Variants in OCLN observed in about 807,000 individuals in gnomAD.
OCLN encodes the protein phosphatase 1, regulatory subunit 115.
A neutral mutation model predicts 47.9 loss-of-function variants in OCLN; 21 were observed. The ratio of observed to expected loss-of-function variants is 0.44; its 90% CI spans 0.31 to 0.63. OCLN has a LOEUF of 0.63. Ranked by LOEUF, OCLN falls within the 30% of genes least tolerant of loss-of-function variation. OCLN has a pLI of 0.08. For synonymous variants in OCLN, 117 were observed against 198.4 expected (o/e 0.59, Z 3.45); for missense variants, 360 against 571.0 (o/e 0.63, Z 3.77).
intron 4 of OCLN, among the ~76,000 whole-genome samples, chr5:69,515,895 G>C (rs565444542): frequency 6.6e-6 from 1 of 150,492 alleles, no homozygotes; most frequent in South Asian, 2.1e-4. Context: ...CATCTTAGAC[G>C]ATGGGCGGCC....
intron 4 of OCLN, among the ~76,000 whole-genome samples, chr5:69,526,338 A>C (rs1340195183): frequency 6.6e-6 from 1 of 152,242 alleles, no homozygotes. Flanking sequence ...GACTTAGTAC[A>C]AAATACTGGA....
intron 4 of OCLN, among the ~76,000 whole-genome samples, chr5:69,517,104 C>A (rs1446355399): frequency 6.6e-6 from 1 of 151,872 alleles, no homozygotes; most frequent in Admixed American, 6.6e-5. Flanking sequence ...GAAACTTTTT[C>A]TAAGAAATCC....
At chr5:69,535,146 GT>G (rs1378057541) in intron 5 of OCLN, among the ~76,000 whole-genome samples, 1 of 151,828 alleles carries the variant, frequency 6.6e-6, no homozygotes, top group Non-Finnish European at 1.5e-5. Flanking sequence ...GCTATTTCTG[GT>G]TTTGAAGTTT....
At chr5:69,494,302 T>G (rs1290279460) in intron 1 of OCLN, among the ~76,000 whole-genome samples, 1 of 152,198 alleles carries the variant, frequency 6.6e-6, no homozygotes, top group Non-Finnish European at 1.5e-5. Flanking sequence ...ATTCTCCTGC[T>G]CAGCCTCCCG....
chr5:69,503,504 G>A (rs1052241333), intron 1 of OCLN, among the ~76,000 whole-genome samples: 1 of 152,182 alleles, frequency 6.6e-6, no homozygotes, highest in Non-Finnish European at 1.5e-5. Flanking sequence ...GGAAGAGCCA[G>A]GACCCCAGCG....
In OCLN at chr5:69,534,836, C is replaced by T. The variant is rs377673456; in HGVS notation, c.1034C>T (p.Thr345Met). Reference sequence around the variant, plus strand: ...TATCCAGAGTCTTCCTATAAATCCACGCCGTAAGTAGCATCTCTCTTAGTT... The same window carrying T: ...TATCCAGAGTCTTCCTATAAATCCATGCCGTAAGTAGCATCTCTCTTAGTT... ...RFYPESSYKS[T>M]PVPEVVQELP... The change falls in exon 5 of 9, where the codon ACG becomes ATG. Residue 345 changes from threonine (T) to methionine (M), a missense_variant. Thr to Met is a moderately conservative substitution (Grantham distance 81, BLOSUM62 -1). This residue lies in a region of OCLN where 21 missense variants were observed against 158.9 expected (regional missense o/e 0.13). Transcript: ENST00000396442. 2.1e-4 allele frequency: 284 copies of T among 1,376,436 alleles called. 10 individuals are homozygous for T. Among genetic ancestry groups the T allele is most frequent in the South Asian group, 3.3e-4 (27 of 81,336 alleles). The allele number at this position is 1,376,436 out of a possible 1,614,324, so 85.3% of individuals were successfully genotyped here.
rs1768712120 is a variant in OCLN at position 69,509,486 on chromosome 5, A to C, written c.396A>C (p.Thr132=). ...ATGGCTATGGCTACGGAGGCTATAC[A>C]GACCCAAGAGCAGCAAAGGGCTTCA... is the stretch of plus-strand genomic sequence containing the variant. ...YGYGYGYGGY[T]DPRAAKGFML... is the part of the protein sequence containing the mutation. Residue 132 remains threonine (T), a synonymous_variant, in exon 3 of 9, where the codon ACA becomes ACC. Coordinates refer to ENST00000396442, the MANE Select transcript of OCLN (RefSeq NM_001205254.2). 1 of 1,614,180 alleles carries C rather than the reference A, an allele frequency of 6.2e-7. No homozygotes were observed. Among genetic ancestry groups the C allele is most frequent in the Non-Finnish European group, 8.5e-7 (1 of 1,180,004 alleles).
chr5:69,514,068 G>A lies in OCLN; in HGVS notation c.850G>A (p.Glu284Lys). ...YDKSNILWDK[E>K]HIYDEQPPNV... ...CAAGTCCAATATTTTGTGGGACAAG[G>A]AACACATTTATGATGAGCAGCCCCC... Residue 284 changes from glutamate (E) to lysine (K), a missense_variant, in exon 4 of 9, where the codon GAA becomes AAA. Physicochemically the swap from Glu to Lys is moderately conservative, Grantham distance 56. Around this residue, in one of 3 missense-constraint regions of OCLN, gnomAD observed 314 missense variants for 368.1 expected, o/e 0.85. Coordinates refer to ENST00000396442, the MANE Select transcript of OCLN (RefSeq NM_001205254.2). 3 of 1,614,154 alleles carry A rather than the reference G, an allele frequency of 1.9e-6. No individual in the cohort carries two copies. Among genetic ancestry groups the A allele is most frequent in the South Asian group, 1.1e-5 (1 of 91,086 alleles).
chr5:69,507,392 G>A (rs2111967557), intron 2 of OCLN, among the ~76,000 whole-genome samples: 1 of 152,222 alleles, frequency 6.6e-6, no homozygotes, highest in South Asian at 2.1e-4. Context: ...ACCTCCTAAA[G>A]TGCTGGGATT....
intron 4 of OCLN, among the ~76,000 whole-genome samples, chr5:69,532,221 T>C (rs1769451583): frequency 6.6e-6 from 1 of 152,110 alleles, no homozygotes; most frequent in African/African-American, 2.4e-5. Flanking sequence ...GCCCAGATAA[T>C]CTGATGCTAT....
Position 69,509,750 on chromosome 5 carries a change from T to C in OCLN, c.660T>C (p.Tyr220=). 6.2e-7 allele frequency: 1 copy of C among 1,614,202 alleles called. No individual in the cohort carries two copies. Among genetic ancestry groups the C allele is most frequent in the Non-Finnish European group, 8.5e-7 (1 of 1,180,018 alleles). The change falls in exon 3 of 9, where the codon TAT becomes TAC. Residue 220 remains tyrosine (Y), a synonymous_variant. Coordinates refer to ENST00000396442, the MANE Select transcript of OCLN (RefSeq NM_001205254.2). Reference sequence around the variant, plus strand: ...TATATGCCCTCTGCAACCAATTTTATACACCTGCAGCTACTGGACTCTACG... The same window carrying C: ...TATATGCCCTCTGCAACCAATTTTACACACCTGCAGCTACTGGACTCTACG... ...SQIYALCNQF[Y]TPAATGLYVD...
intron 4 of OCLN, among the ~76,000 whole-genome samples, chr5:69,520,903 A>G (rs1769119345): frequency 6.6e-6 from 1 of 152,074 alleles, no homozygotes; most frequent in African/African-American, 2.4e-5. Flanking sequence ...GCTGGAGTGC[A>G]ATGGCGCAAT....
At chr5:69,498,119 G>A (rs567217012) in intron 1 of OCLN, among the ~76,000 whole-genome samples, 7 of 151,642 alleles carry the variant, frequency 4.6e-5, no homozygotes, top group East Asian at 3.9e-4. Context: ...GCGACAGAGC[G>A]AGACTCCGTC....
At chr5:69,494,878 C>T (rs946685255) in intron 1 of OCLN, among the ~76,000 whole-genome samples, 1 of 152,172 alleles carries the variant, frequency 6.6e-6, no homozygotes, top group Non-Finnish European at 1.5e-5. Flanking sequence ...ACTGCTTCAG[C>T]TAATATGGGA....
chr5:69,514,873 G>C (rs1463761994), intron 4 of OCLN, among the ~76,000 whole-genome samples: 21 of 152,344 alleles, frequency 1.4e-4, no homozygotes, highest in Admixed American at 1.2e-3. Flanking sequence ...TCACAAGGCA[G>C]AAGAATTTTT....
intron 4 of OCLN, among the ~76,000 whole-genome samples, chr5:69,522,894 C>CTTTTTTTTTTTTTTTTTT (rs60505522): frequency 8.6e-6 from 1 of 116,872 alleles, no homozygotes; most frequent in Non-Finnish European, 1.7e-5. Flanking sequence ...GCCTGGCTGA[C>CTTTTTTTTTTTTTTTTTT]TTTTTTTTTT....
At position 69,534,812 on chromosome 5, in the gene OCLN, ATCCAGAGTCT is replaced by A. The variant is rs758540698; in HGVS notation, c.1014_1023del (p.Glu339IlefsTer15). On this transcript the variant is annotated frameshift_variant, in exon 5 of 9. Transcript: ENST00000396442. LOFTEE classifies it high-confidence loss of function. ...GGCAAAGTGAATGACAAGCGGTTTTATCCAGAGTCTTCCTATAAATCCACGCCGTAAGTAG... is the reference window on the plus strand; with the variant it reads ...GGCAAAGTGAATGACAAGCGGTTTTATCCTATAAATCCACGCCGTAAGTAG... 13 of 1,401,106 alleles carry A rather than the reference ATCCAGAGTCT, an allele frequency of 9.3e-6. No homozygotes were observed. Among genetic ancestry groups the A allele is most frequent in the Non-Finnish European group, 1.2e-5 (12 of 1,014,632 alleles). The allele number at this position is 1,401,106 out of a possible 1,614,324, so 86.8% of individuals were successfully genotyped here. A position where few individuals can be genotyped will look rare whatever the true frequency, so the allele number is the denominator to read the frequency against.
chr5:69,528,055 T>C (rs905438445), intron 4 of OCLN, among the ~76,000 whole-genome samples: 1 of 152,140 alleles, frequency 6.6e-6, no homozygotes, highest in African/African-American at 2.4e-5. Flanking sequence ...ATCTCATTAT[T>C]TGTGGGATTA....
At chr5:69,516,257 G>A (rs1318627435) in intron 4 of OCLN, among the ~76,000 whole-genome samples, 1 of 152,258 alleles carries the variant, frequency 6.6e-6, no homozygotes. Context: ...CACCTTGGGA[G>A]GCCGAGGCTG....
Sources: allele counts gnomAD v4.1 joint callset (sites outside exome capture counted in the v4.1 genomes callset), GRCh38; gene constraint gnomAD v4.1.1; regional missense constraint gnomAD v4.1.1; transcripts MANE v1.5; gene names NCBI Gene and HGNC (gene_info 2026-07-23, HGNC 2026-07-21).